The following PAX7 variants were observed in gnomAD, a reference collection of about 807,000 sequenced individuals.
The protein encoded by PAX7 is paired box 7.
Under a neutral mutation model 50.7 loss-of-function variants are expected in PAX7, and 18 were observed. That is an observed-to-expected ratio of 0.36 (90% confidence interval 0.25 to 0.53). The LOEUF (loss-of-function observed/expected upper bound fraction) is 0.53, where lower values mean the gene tolerates loss of function less well. Ranked by LOEUF, PAX7 falls within the 20% of genes least tolerant of loss-of-function variation. The probability of loss-of-function intolerance (pLI) is 0.93; values close to 1 mark genes in which losing one functional copy is unlikely to be tolerated. For synonymous variants in PAX7, 310 were observed against 290.4 expected (o/e 1.07, Z -0.69); for missense variants, 644 against 702.9 (o/e 0.92, Z 0.95).
chr1:18,631,397 A>T lies in PAX7; in HGVS notation c.-207A>T. On this transcript the variant is annotated 5_prime_UTR_variant, in exon 1 of 9. Transcript: ENST00000420770. ...CTTCCCTCCCCCCAACCTCCACCCCACCTCACCCCCCTCCCCAGCTTCTGG... is the reference window on the plus strand; with the variant it reads ...CTTCCCTCCCCCCAACCTCCACCCCTCCTCACCCCCCTCCCCAGCTTCTGG... 1.8e-6 allele frequency: 1 copy of T among 570,870 alleles called. No individual in the cohort carries two copies. The highest frequency in any genetic ancestry group is 3.2e-6 in the Non-Finnish European group (1 of 316,802). The allele number at this position is 570,870 out of a possible 1,614,324, so 35.4% of individuals were successfully genotyped here. A position where few individuals can be genotyped will look rare whatever the true frequency, so the allele number is the denominator to read the frequency against.
At chr1:18,671,642 A>G (rs192011150) in intron 4 of PAX7, among the ~76,000 whole-genome samples, 12 of 152,042 alleles carry the variant, frequency 7.9e-5, no homozygotes, top group Admixed American at 7.9e-4. Flanking sequence ...GCCCTGCCTT[A>G]TATCTTTGGG....
rs774666904 is a variant in PAX7 at position 18,667,388 on chromosome 1, GAGAAAGGAAGGA to G, written c.587-24363_587-24352del. Among the ~76,000 whole-genome samples the G allele has an allele frequency of 1.9e-3, 224 of 115,676 alleles. 1 individual carries two copies. The highest frequency in any genetic ancestry group is 6.7e-3 in the South Asian group (23 of 3,408). 75.9% of individuals were successfully genotyped at this position (115,676 alleles called of 152,430 possible). Reference sequence around the variant, plus strand: ...AGGAAAAAAGAAGGAGAGAAGGAAGGAGAAAGGAAGGAAGGAAGGAAGGAAGGAAGGAAGGAA... The same window carrying G: ...AGGAAAAAAGAAGGAGAGAAGGAAGGAGGAAGGAAGGAAGGAAGGAAGGAA... On this transcript the variant is annotated intron_variant, in intron 4 of 8. Transcript: ENST00000420770.
intron 5 of PAX7, among the ~76,000 whole-genome samples, chr1:18,693,086 G>A (rs980204361): frequency 6.6e-6 from 1 of 152,146 alleles, no homozygotes; most frequent in African/African-American, 2.4e-5. Flanking sequence ...CGTGATGAAC[G>A]GCTCTTGTGG....
chr1:18,672,787 G>A (rs1245588220), intron 4 of PAX7, among the ~76,000 whole-genome samples: 1 of 151,754 alleles, frequency 6.6e-6, no homozygotes, highest in Non-Finnish European at 1.5e-5. Context: ...TGTAGTTTTG[G>A]TAGAGAGGGG....
intron 4 of PAX7, among the ~76,000 whole-genome samples, chr1:18,666,132 C>A (rs1260146247): frequency 6.6e-6 from 1 of 152,128 alleles, no homozygotes; most frequent in Non-Finnish European, 1.5e-5. Flanking sequence ...AGCGTAGCTC[C>A]GTCTCAATAA....
intron 7 of PAX7, among the ~76,000 whole-genome samples, chr1:18,710,623 T>G (rs1163315038): frequency 1.3e-5 from 2 of 152,124 alleles, no homozygotes; most frequent in African/African-American, 4.8e-5. Context: ...TGGAAGGTTT[T>G]GCCTAGCCCA....
chr1:18,698,208 C>T lies in PAX7; in HGVS notation c.787-2445C>T, dbSNP rs970451300. Among the ~76,000 whole-genome samples the T allele has an allele frequency of 5.4e-5, 8 of 148,522 alleles. No homozygotes were observed. The South Asian group carries it at 8.8e-4, about 16-fold the overall frequency. ...ATCTATATTGTTATTTACTTTTCAA[C>T]GAAATCAAGTGTTTTAAAATAAAAA... On this transcript the variant is annotated intron_variant, in intron 5 of 8. Coordinates refer to ENST00000420770, the MANE Select transcript of PAX7 (RefSeq NM_001135254.2).
In PAX7 at chr1:18,747,305, G is replaced by C. The variant is rs1409967456; in HGVS notation, c.*2376G>C. ...GGTCCCGATGGTGAAATGGAACAAA[G>C]ACCTGCTTGGGAATAAACCAAATGA... is the stretch of plus-strand genomic sequence containing the variant. On this transcript the variant is annotated 3_prime_UTR_variant, in exon 9 of 9. Transcript: ENST00000420770. The C allele has an allele frequency of 4.4e-6, 1 of 229,524 alleles. No individual in the cohort carries two copies. The highest frequency in any genetic ancestry group is 6.2e-5 in the East Asian group (1 of 16,092). The allele number at this position is 229,524 out of a possible 1,614,324, so 14.2% of individuals were successfully genotyped here. A position where few individuals can be genotyped will look rare whatever the true frequency, so the allele number is the denominator to read the frequency against.
rs184020152 is a variant in PAX7 at position 18,656,386 on chromosome 1, C to T, written c.586+20015C>T. Among the ~76,000 whole-genome samples the T allele has an allele frequency of 2.0e-4, 31 of 152,262 alleles. No homozygotes were observed. In the East Asian group the frequency reaches 5.8e-3, roughly 29 times the overall value. ...AGGTGGTGCACACCTGTAATCCCAG[C>T]TACTCGGGAGGCTGAGGCACGAGAA... On this transcript the variant is annotated intron_variant, in intron 4 of 8. Transcript: ENST00000420770.
chr1:18,713,876 C>T (rs957165489), intron 7 of PAX7, among the ~76,000 whole-genome samples: 4 of 152,126 alleles, frequency 2.6e-5, no homozygotes, highest in Admixed American at 6.5e-5. Flanking sequence ...TTAGGCACAT[C>T]GTGGACACAG....
intron 8 of PAX7, 113 bp from the exon 9 acceptor site, chr1:18,744,701 G>GATGGATGGATAGATAA (rs1553145067): frequency 2.3e-6 from 1 of 429,710 alleles, no homozygotes; most frequent in African/African-American, 2.4e-5. Flanking sequence ...TGGATGGATG[G>GATGGATGGATAGATAA]ATGGATGGAT....
chr1:18,732,531 C>T (rs1570242492), intron 7 of PAX7, among the ~76,000 whole-genome samples: 1 of 152,066 alleles, frequency 6.6e-6, no homozygotes, highest in East Asian at 1.9e-4. Context: ...GCTTGTTGGA[C>T]GAATACGTGA....
intron 7 of PAX7, among the ~76,000 whole-genome samples, chr1:18,734,957 T>C (rs1176713418): frequency 6.6e-6 from 1 of 152,166 alleles, no homozygotes; most frequent in Non-Finnish European, 1.5e-5. Flanking sequence ...TTGCCAGCAC[T>C]GACAGTGAGT....
chr1:18,715,493 A>G (rs1197938200), intron 7 of PAX7, among the ~76,000 whole-genome samples: 1 of 152,196 alleles, frequency 6.6e-6, no homozygotes, highest in Non-Finnish European at 1.5e-5. Context: ...TGCTGGAATG[A>G]TTATTTCTGT....
chr1:18,726,323 G>A lies in PAX7; in HGVS notation c.1156-9309G>A, dbSNP rs2089571250. ...TTAGAAACCCATTGGGTTGGAGGAT[G>A]TTTGCAATATGTCCCCTCAATTTAT... On this transcript the variant is annotated intron_variant, in intron 7 of 8. Transcript: ENST00000420770. This position sits in a 1 kb window ranked among gnomAD's most constrained non-coding sequence, Gnocchi z 4.8. 1.3e-5 allele frequency among the ~76,000 whole-genome samples: 2 copies of A among 152,342 alleles called. No individual in the cohort carries two copies. Among genetic ancestry groups the A allele is most frequent in the South Asian group, 2.1e-4 (1 of 4,828 alleles).
At chr1:18,698,504 T>A (rs548257968) in intron 5 of PAX7, among the ~76,000 whole-genome samples, 17 of 152,130 alleles carry the variant, frequency 1.1e-4, no homozygotes, top group Non-Finnish European at 2.1e-4. Flanking sequence ...GGAATAACTT[T>A]CCCATCCTCA....
Position 18,710,971 on chromosome 1 carries a change from C to G in PAX7, c.1155+7675C>G, listed in dbSNP as rs550963495. On this transcript the variant is annotated intron_variant, in intron 7 of 8. Transcript: ENST00000420770. ...ACATGGGGCTTTAACCCCAGCTGCG[C>G]GCTCCTCTGCGCCCCGCCCAGCCCT... is the stretch of plus-strand genomic sequence containing the variant. 4.6e-5 allele frequency among the ~76,000 whole-genome samples: 7 copies of G among 152,336 alleles called. No individual in the cohort carries two copies. The South Asian group carries it at 1.4e-3, about 32-fold the overall frequency.
chr1:18,706,569 C>T (rs1229788215), intron 7 of PAX7, among the ~76,000 whole-genome samples: 1 of 149,282 alleles, frequency 6.7e-6, no homozygotes, highest in African/African-American at 2.5e-5. Flanking sequence ...TCAAGCAATT[C>T]TCCTGTCTTC....
At position 18,631,776 on chromosome 1, in the gene PAX7, C is replaced by T. The variant is rs574496954; in HGVS notation, c.85+88C>T. On this transcript the variant is annotated intron_variant, in intron 1 of 8. Coordinates refer to ENST00000420770, the MANE Select transcript of PAX7 (RefSeq NM_001135254.2). ...GGCTGCGGTCTCCAGGGGACGGTGGCGGCGCCGGCGATAGCAGAGGGATCC... is the reference window on the plus strand; with the variant it reads ...GGCTGCGGTCTCCAGGGGACGGTGGTGGCGCCGGCGATAGCAGAGGGATCC... The T allele has an allele frequency of 4.1e-4, 450 of 1,096,796 alleles. No individual in the cohort carries two copies. The African/African-American group carries it at 4.4e-3, about 11-fold the overall frequency. The allele number at this position is 1,096,796 out of a possible 1,614,324, so 67.9% of individuals were successfully genotyped here. A position where few individuals can be genotyped will look rare whatever the true frequency, so the allele number is the denominator to read the frequency against.
Sources: allele counts gnomAD v4.1 joint callset (sites outside exome capture counted in the v4.1 genomes callset), GRCh38; gene constraint gnomAD v4.1.1; non-coding constraint Gnocchi (gnomAD v3.1); transcripts MANE v1.5; gene names NCBI Gene and HGNC (gene_info 2026-07-23, HGNC 2026-07-21).